The following PDE2A variants were observed in gnomAD, a reference collection of about 807,000 sequenced individuals.
PDE2A encodes phosphodiesterase 2A, also known as cGMP-dependent 3',5'-cyclic phosphodiesterase.
A neutral mutation model predicts 133.6 loss-of-function variants in PDE2A; 53 were observed. The ratio of observed to expected loss-of-function variants is 0.40; its 90% CI spans 0.32 to 0.50. The LOEUF is 0.50. Among genes scored for constraint, PDE2A ranks in the 20% least tolerant of loss-of-function variants. The pLI is 0.73. For synonymous variants in PDE2A, 491 were observed against 490.2 expected, an observed-to-expected ratio of 1.00 and a Z score of -0.02; for missense variants, 796 against 1,232.4, an observed-to-expected ratio of 0.65 and a Z score of 5.30.
chr11:72,630,158 G>T (rs1421270649), intron 2 of PDE2A, among the ~76,000 whole-genome samples: 1 of 152,140 alleles, frequency 6.6e-6, no homozygotes, highest in Non-Finnish European at 1.5e-5. Flanking sequence ...CCCCTCGCAG[G>T]GCAGGAAATG....
chr11:72,652,706 A>T (rs1300940756), intron 1 of PDE2A: 1 of 456,198 alleles, frequency 2.2e-6, no homozygotes, highest in African/African-American at 2.0e-5. Context: ...CTGGGACCTG[A>T]GGTCATTCGT....
chr11:72,584,856 C>G lies in PDE2A; in HGVS notation c.1359+16G>C, dbSNP rs1855892489. 1 of 1,613,138 alleles carries G rather than the reference C, an allele frequency of 6.2e-7. No homozygotes were observed. The highest frequency in any genetic ancestry group is 1.3e-5 in the African/African-American group (1 of 74,922). On this transcript the variant is annotated intron_variant, in intron 17 of 30. Coordinates refer to ENST00000334456, the MANE Select transcript of PDE2A (RefSeq NM_002599.5). ...GGACACCCCTAGGGCCACATACTCC[C>G]TCCACACCCTCTCACCTCATCATCC...
At chr11:72,657,682 T>C (rs1299278014) in intron 1 of PDE2A, among the ~76,000 whole-genome samples, 4 of 152,174 alleles carry the variant, frequency 2.6e-5, no homozygotes, top group Non-Finnish European at 5.9e-5. Flanking sequence ...GGAGAGCTGG[T>C]CAGAGCTGAT....
chr11:72,599,598 C>T (rs1436241995), intron 4 of PDE2A, among the ~76,000 whole-genome samples: 1 of 152,162 alleles, frequency 6.6e-6, no homozygotes, highest in South Asian at 2.1e-4. Flanking sequence ...ACACCTTTTC[C>T]CTGAACCCTG....
intron 2 of PDE2A, among the ~76,000 whole-genome samples, chr11:72,623,478 C>T (rs1362073608): frequency 3.3e-5 from 5 of 152,122 alleles, no homozygotes; most frequent in African/African-American, 2.4e-5. Flanking sequence ...CTCCATTATC[C>T]CAGCCAGGTC....
intron 1 of PDE2A, among the ~76,000 whole-genome samples, chr11:72,654,201 G>A (rs1591132876): frequency 6.6e-6 from 1 of 152,160 alleles, no homozygotes; most frequent in African/African-American, 2.4e-5. Flanking sequence ...GAACACAGCC[G>A]CCCACCCAGC....
At chr11:72,663,707 C>T (rs537644200) in intron 1 of PDE2A, among the ~76,000 whole-genome samples, 8 of 138,452 alleles carry the variant, frequency 5.8e-5, no homozygotes, top group African/African-American at 1.7e-4. Context: ...CCAGCCTGGG[C>T]GACAGAGCAA....
chr11:72,659,950 G>T (rs537838034), intron 1 of PDE2A, among the ~76,000 whole-genome samples: 1 of 152,236 alleles, frequency 6.6e-6, no homozygotes, highest in East Asian at 1.9e-4. Flanking sequence ...AGGAACCAAG[G>T]CCCAGAGAGG....
intron 1 of PDE2A, among the ~76,000 whole-genome samples, chr11:72,648,635 G>C (rs1859194001): frequency 6.6e-6 from 1 of 152,132 alleles, no homozygotes; most frequent in Non-Finnish European, 1.5e-5. Context: ...GAACCCATAG[G>C]ATTCTAGTCC....
intron 1 of PDE2A, among the ~76,000 whole-genome samples, chr11:72,652,047 TGGGCA>T (rs959828947): frequency 2.6e-4 from 39 of 152,316 alleles, no homozygotes; most frequent in Admixed American, 2.5e-3. Context: ...GTGGCCTTGG[TGGGCA>T]GGCCTGGCAG....
intron 7 of PDE2A, 173 bp downstream of exon 7, chr11:72,591,124 G>A (rs973025361): frequency 1.1e-5 from 7 of 645,890 alleles, no homozygotes; most frequent in Non-Finnish European, 1.7e-5. Flanking sequence ...CCCATTTTCA[G>A]GTGTGAAACT....
chr11:72,647,743 A>T (rs1209860909), intron 1 of PDE2A, among the ~76,000 whole-genome samples: 1 of 152,214 alleles, frequency 6.6e-6, no homozygotes, highest in African/African-American at 2.4e-5. Context: ...TCACCTGGGC[A>T]GGGGTGAGCC....
Position 72,586,807 on chromosome 11 carries a change from C to T in PDE2A, c.1071-626G>A, listed in dbSNP as rs75663104. Among the ~76,000 whole-genome samples the T allele has an allele frequency of 4.9e-3, 753 of 152,346 alleles. 3 individuals carry two copies. The highest frequency in any genetic ancestry group is 0.017 in the African/African-American group (720 of 41,580). ...GAAGAGCCTGCCTTAGCCCACATCA[C>T]GCTGCCCTGAGGTGTCCCTGCCTAA... On this transcript the variant is annotated intron_variant, in intron 13 of 30. Transcript: ENST00000334456.
intron 3 of PDE2A, among the ~76,000 whole-genome samples, chr11:72,608,063 G>A (rs759274834): frequency 6.6e-6 from 1 of 152,128 alleles, no homozygotes; most frequent in African/African-American, 2.4e-5. Flanking sequence ...AATCTCCCCA[G>A]TAAGGCACTC....
intron 2 of PDE2A, among the ~76,000 whole-genome samples, chr11:72,638,013 T>A (rs1383120698): frequency 6.6e-6 from 1 of 151,956 alleles, no homozygotes; most frequent in Admixed American, 6.6e-5. Context: ...AGGGAGCAGG[T>A]CCCCAGCTGT....
At chr11:72,591,428 T>A in intron 6 of PDE2A, 72 bp from the exon 7 acceptor site, 1 of 1,144,894 alleles carries the variant, frequency 8.7e-7, no homozygotes, top group Non-Finnish European at 1.3e-6. Context: ...GCCCTCCCCA[T>A]GCGCAGCACA....
At chr11:72,632,334 G>A (rs945455748) in intron 2 of PDE2A, among the ~76,000 whole-genome samples, 1 of 152,116 alleles carries the variant, frequency 6.6e-6, no homozygotes, top group African/African-American at 2.4e-5. Flanking sequence ...TGCCCTGCAG[G>A]GTCTTCCCTC....
chr11:72,652,520 A>G (rs1238791333), intron 1 of PDE2A: 1 of 455,754 alleles, frequency 2.2e-6, no homozygotes, highest in African/African-American at 2.0e-5. Flanking sequence ...TGCTTACACC[A>G]TTCCACAGGC....
At chr11:72,610,167 G>A (rs1231938797) in intron 2 of PDE2A, among the ~76,000 whole-genome samples, 1 of 152,168 alleles carries the variant, frequency 6.6e-6, no homozygotes, top group African/African-American at 2.4e-5. Flanking sequence ...AGGGTTATCA[G>A]TCTCCAACTC....
Sources: gnomAD v4.1 joint callset for allele counts (sites outside exome capture counted in the v4.1 genomes callset) on GRCh38, gnomAD v4.1.1 for gene constraint, MANE v1.5 for transcripts, NCBI Gene and HGNC (gene_info 2026-07-23, HGNC 2026-07-21) for gene names.